The following CDC42BPB variants were observed in gnomAD, a reference collection of about 807,000 sequenced individuals.
CDC42BPB encodes the protein CDC42 binding protein kinase beta.
A neutral mutation model predicts 214.9 loss-of-function variants in CDC42BPB; 37 were observed. The observed-to-expected ratio is 0.17, with a 90% confidence interval of 0.13 to 0.23. The LOEUF is 0.23. Ranked by LOEUF, CDC42BPB falls within the 10% of genes least tolerant of loss-of-function variation. The pLI is 1.00. For synonymous variants in CDC42BPB, 931 were observed against 884.0 expected (o/e 1.05, Z -0.94); for missense variants, 1,694 against 2,227.0 (o/e 0.76, Z 4.82).
intron 21 of CDC42BPB, among the ~76,000 whole-genome samples, chr14:102,955,785 T>C (rs936615799): frequency 3.3e-5 from 5 of 152,206 alleles, no homozygotes; most frequent in Admixed American, 1.3e-4. Flanking sequence ...GACACAGACA[T>C]GGCTGGGTAG....
chr14:102,983,333 T>G (rs1453372526), intron 7 of CDC42BPB, among the ~76,000 whole-genome samples: 1 of 152,050 alleles, frequency 6.6e-6, no homozygotes, highest in Non-Finnish European at 1.5e-5. Flanking sequence ...CAGAACCTCC[T>G]TCCCCTTCCT....
chr14:103,050,676 G>C (rs773775278), intron 1 of CDC42BPB, among the ~76,000 whole-genome samples: 9 of 152,136 alleles, frequency 5.9e-5, no homozygotes, highest in Non-Finnish European at 1.3e-4. Context: ...AGGACTGCCT[G>C]AGCCTGGGAA....
At chr14:102,988,353 TA>T (rs57459341) in intron 5 of CDC42BPB, among the ~76,000 whole-genome samples, 47,380 of 124,042 alleles carry the variant, frequency 0.38, 7,713 homozygotes, top group Middle Eastern at 0.46. Flanking sequence ...TTCCAGAAAT[TA>T]AAAAAAAAAA....
chr14:103,036,953 A>T (rs1425896744), intron 1 of CDC42BPB, among the ~76,000 whole-genome samples: 1 of 151,932 alleles, frequency 6.6e-6, no homozygotes, highest in Non-Finnish European at 1.5e-5. Flanking sequence ...AGTAGCTAGG[A>T]CACAGGCCCA....
intron 1 of CDC42BPB, among the ~76,000 whole-genome samples, chr14:103,047,669 C>T (rs553594479): frequency 6.6e-6 from 1 of 152,050 alleles, no homozygotes; most frequent in South Asian, 2.1e-4. Flanking sequence ...TTGGGGAGGC[C>T]GAAGCGGGCA....
intron 8 of CDC42BPB, among the ~76,000 whole-genome samples, chr14:102,980,013 T>C (rs1294819553): frequency 2.0e-5 from 3 of 152,188 alleles, no homozygotes; most frequent in African/African-American, 7.2e-5. Context: ...CAAAGCGCTG[T>C]AATGTTAGAA....
intron 5 of CDC42BPB, among the ~76,000 whole-genome samples, chr14:102,999,313 CAAAT>C (rs889868861): frequency 2.0e-5 from 3 of 152,032 alleles, no homozygotes; most frequent in Admixed American, 6.5e-5. Context: ...GAGTCAATGT[CAAAT>C]AAATATCAAA....
At chr14:102,983,988 A>C in intron 6 of CDC42BPB, 3 of 640,992 alleles carry the variant, frequency 4.7e-6, no homozygotes, top group Non-Finnish European at 5.8e-6. Context: ...CCAGGAGCTC[A>C]AGGCCAACAC....
In CDC42BPB at chr14:102,978,223, C is replaced by A; in HGVS notation, c.1141-18G>T. The A allele has an allele frequency of 6.2e-7, 1 of 1,608,434 alleles. No homozygotes were observed. The highest frequency in any genetic ancestry group is 8.5e-7 in the Non-Finnish European group (1 of 1,175,122). ...AATATTTCCTGCATAAGAACATATA[C>A]AACACAAATGAAATCTACATTCAAA... On this transcript the variant is annotated intron_variant, in intron 8 of 36. Transcript: ENST00000361246.
Position 102,963,152 on chromosome 14 carries a change from T to A in CDC42BPB, c.2730A>T (p.Lys910Asn), listed in dbSNP as rs368505938. ...TGTTTTTGGCTTCGGAATCCTTTAGTTTGCTAAAATAAAAAATAAATGGCT... is the reference window on the plus strand; with the variant it reads ...TGTTTTTGGCTTCGGAATCCTTTAGATTGCTAAAATAAAAAATAAATGGCT... ...VKDANLTLES[K>N]LKDSEAKNRE... The change falls in exon 20 of 37, where the codon AAA becomes AAT. Residue 910 changes from lysine (K) to asparagine (N), a missense_variant. By Grantham distance (94) the Lys-to-Asn change is moderately conservative. Around this residue, in one of 7 missense-constraint regions of CDC42BPB, gnomAD observed 156 missense variants for 154.5 expected, o/e 1.01. Coordinates refer to ENST00000361246, the MANE Select transcript of CDC42BPB (RefSeq NM_006035.4). The A allele has an allele frequency of 2.7e-5, 43 of 1,590,880 alleles. No individual in the cohort carries two copies. The highest frequency in any genetic ancestry group is 3.3e-5 in the Non-Finnish European group (39 of 1,165,028).
At chr14:102,969,611 A>G (rs576172136) in intron 14 of CDC42BPB, among the ~76,000 whole-genome samples, 13 of 152,312 alleles carry the variant, frequency 8.5e-5, no homozygotes, top group African/African-American at 2.6e-4. Context: ...ACACATGAGG[A>G]GATCCAGGCC....
chr14:102,981,462 A>G (rs1293310023), intron 7 of CDC42BPB, among the ~76,000 whole-genome samples: 2 of 152,166 alleles, frequency 1.3e-5, no homozygotes. Flanking sequence ...AATTACCTAC[A>G]TGCCCATCAA....
At chr14:102,997,162 A>G (rs1894777094) in intron 5 of CDC42BPB, among the ~76,000 whole-genome samples, 1 of 152,198 alleles carries the variant, frequency 6.6e-6, no homozygotes, top group African/African-American at 2.4e-5. Context: ...GCCCGAGCAC[A>G]GGCCTACAGC....
Position 102,934,699 on chromosome 14 carries a change from G to A in CDC42BPB, c.5005-856C>T, listed in dbSNP as rs116772455. Among the ~76,000 whole-genome samples the A allele has an allele frequency of 1.3e-3, 200 of 152,066 alleles. 1 individual carries two copies. Among genetic ancestry groups the A allele is most frequent in the African/African-American group, 4.7e-3 (197 of 41,480 alleles). On this transcript the variant is annotated intron_variant, in intron 36 of 36. Coordinates refer to ENST00000361246, the MANE Select transcript of CDC42BPB (RefSeq NM_006035.4). Reference sequence around the variant, plus strand: ...AACAGCTAACCATACCCAATGGTGAGAGACAAAATTTTCCCCTAAGATCAG... The same window carrying A: ...AACAGCTAACCATACCCAATGGTGAAAGACAAAATTTTCCCCTAAGATCAG...
At chr14:102,999,971 A>G (rs1051741981) in intron 4 of CDC42BPB, 2 of 941,970 alleles carry the variant, frequency 2.1e-6, no homozygotes, top group African/African-American at 3.6e-5. Context: ...AGGAATGATG[A>G]AAGGGCTTGA....
chr14:102,960,145 T>C (rs1370240394), intron 20 of CDC42BPB, among the ~76,000 whole-genome samples: 2 of 151,856 alleles, frequency 1.3e-5, no homozygotes, highest in Admixed American at 6.6e-5. Context: ...GCAGAGGTTG[T>C]GGTAAGCCAA....
chr14:102,968,602 G>A lies in CDC42BPB; in HGVS notation c.2110C>T (p.Arg704Cys), dbSNP rs1331129132. 4.3e-6 allele frequency: 7 copies of A among 1,614,138 alleles called. No individual in the cohort carries two copies. The highest frequency in any genetic ancestry group is 2.2e-5 in the East Asian group (1 of 44,886). The change falls in exon 15 of 37, where the codon CGT (arginine) becomes TGT (cysteine). Residue 704 changes from arginine (R) to cysteine (C), a missense_variant. By Grantham distance (180) the Arg-to-Cys change is radical. This residue lies in a region of CDC42BPB where 462 missense variants were observed against 513.5 expected (regional missense o/e 0.90). Transcript: ENST00000361246. ...VLFYEEELVR[R>C]EASHVLEVKN... is the part of the protein sequence containing the mutation. ...ACTTCTAGCACATGGGAGGCCTCAC[G>A]TCTGACCAATTCCTCTTCATAAAAT...
intron 30 of CDC42BPB, among the ~76,000 whole-genome samples, chr14:102,942,289 C>T (rs568765658): frequency 1.3e-5 from 2 of 152,282 alleles, no homozygotes; most frequent in African/African-American, 2.4e-5. Flanking sequence ...GCAGTAAGCC[C>T]GTGGGTGGAG....
At chr14:102,971,784 G>T (rs1445379343) in intron 13 of CDC42BPB, 135 bp downstream of exon 13, 7 of 817,234 alleles carry the variant, frequency 8.6e-6, no homozygotes, top group Non-Finnish European at 1.2e-5. Context: ...TAAATGCTCG[G>T]CCGATCAACT....
Sources: allele counts gnomAD v4.1 joint callset (sites outside exome capture counted in the v4.1 genomes callset), GRCh38; gene constraint gnomAD v4.1.1; regional missense constraint gnomAD v4.1.1; transcripts MANE v1.5; gene names NCBI Gene and HGNC (gene_info 2026-07-23, HGNC 2026-07-21).